NHSL1: variants seen among roughly 807,000 people sequenced by gnomAD.
NHSL1 encodes NHS like 1.
A neutral mutation model predicts 95.0 loss-of-function variants in NHSL1; 48 were observed. The ratio of observed to expected loss-of-function variants is 0.51; its 90% confidence interval spans 0.40 to 0.64. NHSL1 has a LOEUF of 0.64. Among genes scored for constraint, NHSL1 ranks in the 30% least tolerant of loss-of-function variants. The pLI is 0.00. For synonymous variants in NHSL1, 783 were observed against 833.9 expected, an observed-to-expected ratio of 0.94 and a Z score of 1.05; for missense variants, 1,971 against 2,077.7, an observed-to-expected ratio of 0.95 and a Z score of 1.00.
At chr6:138,496,138 G>A in intron 2 of NHSL1, 81 bp downstream of exon 2, 1 of 1,394,736 alleles carries the variant, frequency 7.2e-7, no homozygotes. Context: ...AAGTAGAGCT[G>A]GTTTTATAAA....
chr6:138,559,617 T>C (rs1307745829), intron 1 of NHSL1, among the ~76,000 whole-genome samples: 1 of 152,182 alleles, frequency 6.6e-6, no homozygotes, highest in African/African-American at 2.4e-5. Flanking sequence ...AACAGTGGAC[T>C]ATCTACAGAA....
intron 1 of NHSL1, among the ~76,000 whole-genome samples, chr6:138,555,443 A>G (rs1215445253): frequency 1.3e-5 from 2 of 152,214 alleles, no homozygotes; most frequent in African/African-American, 4.8e-5. Context: ...ATTGCTTTCG[A>G]GGCAGGTGTG....
At chr6:138,621,098 C>G (rs184006029) in intron 1 of NHSL1, among the ~76,000 whole-genome samples, 46 of 152,310 alleles carry the variant, frequency 3.0e-4, no homozygotes, top group African/African-American at 1.0e-3. Flanking sequence ...CTCCTGCCCC[C>G]CTGCCAGCAT....
Position 138,431,709 on chromosome 6 carries a change from C to T in NHSL1, c.2636G>A (p.Gly879Glu). The T allele has an allele frequency of 1.3e-6, 2 of 1,551,768 alleles. No individual in the cohort carries two copies. The highest frequency in any genetic ancestry group is 2.4e-5 in the South Asian group (2 of 84,064). Residue 879 changes from glycine (G) to glutamate (E), a missense_variant, in exon 6 of 8, where the codon GGG (glycine) becomes GAG (glutamate). By Grantham distance (98) the Gly-to-Glu change is moderately conservative (BLOSUM62 -2). Around this residue, in one of 3 missense-constraint regions of NHSL1, gnomAD observed 1,602 missense variants for 1,654.5 expected, o/e 0.97. Transcript: ENST00000343505. The surrounding 1 kb of genome is among the most constrained non-coding windows in gnomAD (Gnocchi z 4.0). ...TTCTGGTACCTTGGGCTTGGGCTTC[C>T]CCTTCCCGTTTGCTGGTGACACTGA... The part of the protein sequence containing the change: ...LKSVSPANGK[G>E]KPKPKVPERK...
At chr6:138,550,601 G>A (rs1583398054), upstream of NHSL1, among the ~76,000 whole-genome samples, 3 of 152,328 alleles carry the variant, frequency 2.0e-5, no homozygotes, top group Admixed American at 6.5e-5. Flanking sequence ...ACAAGAGGGA[G>A]TGGTATCCAC....
chr6:138,567,420 C>A (rs1171291971), intron 1 of NHSL1, among the ~76,000 whole-genome samples: 1 of 152,306 alleles, frequency 6.6e-6, no homozygotes, highest in East Asian at 1.9e-4. Context: ...TGAGCCACCA[C>A]GCCTGGCCCA....
At chr6:138,624,110 G>A (rs1183634594) in intron 1 of NHSL1, among the ~76,000 whole-genome samples, 1 of 152,102 alleles carries the variant, frequency 6.6e-6, no homozygotes, top group Non-Finnish European at 1.5e-5. Context: ...TAATACAAGA[G>A]GTCATCAAAG....
chr6:138,493,090 G>T (rs1780167089), intron 2 of NHSL1, among the ~76,000 whole-genome samples: 2 of 152,144 alleles, frequency 1.3e-5, no homozygotes, highest in African/African-American at 4.8e-5. Flanking sequence ...AGAGGTACGT[G>T]AAGTTCTGTA....
chr6:138,432,073 A>C lies in NHSL1; in HGVS notation c.2272T>G (p.Ser758Ala). 6.4e-7 allele frequency: 1 copy of C among 1,551,668 alleles called. No homozygotes were observed. Residue 758 changes from serine (S) to alanine (A), a missense_variant, in exon 6 of 8, where the codon TCC becomes GCC. Physicochemically the swap from Ser to Ala is moderately conservative, Grantham distance 99. This residue lies in a region of NHSL1 where 1,602 missense variants were observed against 1,654.5 expected (regional missense o/e 0.97). Transcript: ENST00000343505. The surrounding 1 kb of genome is among the most constrained non-coding windows in gnomAD (Gnocchi z 4.4). Reference protein sequence around the residue: ...MTSATTPNVYSLCGATPSQSD... With the variant: ...MTSATTPNVYALCGATPSQSD... ...TGCGATGGCGTGGCCCCGCACAGGG[A>C]GTAGACATTGGGGGTGGTGGCGGAA...
In NHSL1 at chr6:138,422,426, A is replaced by G. The variant is rs1443744220; in HGVS notation, c.*1655T>C. The G allele has an allele frequency of 2.0e-5, 3 of 152,188 alleles. No individual in the cohort carries two copies. The highest frequency in any genetic ancestry group is 4.4e-5 in the Non-Finnish European group (3 of 68,038). 9.4% of individuals were successfully genotyped at this position (152,188 alleles called of 1,614,324 possible). A position where few individuals can be genotyped will look rare whatever the true frequency, so the allele number is the denominator to read the frequency against. On this transcript the variant is annotated 3_prime_UTR_variant, in exon 8 of 8. Coordinates refer to ENST00000343505, the MANE Select transcript of NHSL1 (RefSeq NM_001144060.2). ...CAAAGACATTTCTATATGGGTATCT[A>G]AAGTTTTAGTTTATAAGTCTCATAA...
upstream of NHSL1, among the ~76,000 whole-genome samples, chr6:138,499,893 C>T (rs538143721): frequency 1.3e-5 from 2 of 152,284 alleles, no homozygotes; most frequent in South Asian, 4.1e-4. Flanking sequence ...GCCTCCGATA[C>T]CAAAGGAACT....
chr6:138,605,919 A>G (rs988031364), intron 1 of NHSL1, among the ~76,000 whole-genome samples: 5 of 152,192 alleles, frequency 3.3e-5, no homozygotes, highest in African/African-American at 7.2e-5. Flanking sequence ...GGTTTATGTA[A>G]TATCCTTTGA....
chr6:138,498,300 C>T (rs1780477591), intron 1 of NHSL1, among the ~76,000 whole-genome samples: 1 of 152,208 alleles, frequency 6.6e-6, no homozygotes, highest in Admixed American at 6.5e-5. Flanking sequence ...CCATCAATCG[C>T]ACCATCGGCC....
chr6:138,468,636 C>T (rs1194792201), intron 3 of NHSL1, among the ~76,000 whole-genome samples: 1 of 152,210 alleles, frequency 6.6e-6, no homozygotes, highest in Non-Finnish European at 1.5e-5. Flanking sequence ...GCCCCACCCA[C>T]CCCAGTCTGG....
At chr6:138,514,968 C>A (rs1781398425) in intron 1 of NHSL1, among the ~76,000 whole-genome samples, 1 of 151,750 alleles carries the variant, frequency 6.6e-6, no homozygotes, top group South Asian at 2.1e-4. Context: ...ATTCACCCTT[C>A]TTCTGAGGAC....
At chr6:138,438,107 A>G (rs993422691) in intron 5 of NHSL1, among the ~76,000 whole-genome samples, 1 of 152,200 alleles carries the variant, frequency 6.6e-6, no homozygotes, top group Admixed American at 6.5e-5. Context: ...AAATGTTAAT[A>G]AACAGTATTA....
chr6:138,664,189 T>G (rs1425227163), intron 1 of NHSL1, among the ~76,000 whole-genome samples: 1 of 152,234 alleles, frequency 6.6e-6, no homozygotes, highest in African/African-American at 2.4e-5. Flanking sequence ...TGCCAACCTC[T>G]CCTGGCTTTT....
At chr6:138,508,286 C>A (rs757419116) in intron 1 of NHSL1, among the ~76,000 whole-genome samples, 1 of 152,192 alleles carries the variant, frequency 6.6e-6, no homozygotes, top group African/African-American at 2.4e-5. Context: ...CGCTCTAGTG[C>A]ATGGCTGGGA....
At chr6:138,609,472 C>T (rs1165684583) in intron 1 of NHSL1, among the ~76,000 whole-genome samples, 4 of 152,032 alleles carry the variant, frequency 2.6e-5, no homozygotes, top group Admixed American at 6.5e-5. Context: ...GCTATCCGGC[C>T]GGGCGCGGTG....
Sources: allele counts gnomAD v4.1 joint callset (sites outside exome capture counted in the v4.1 genomes callset), GRCh38; gene constraint gnomAD v4.1.1; regional missense constraint gnomAD v4.1.1; non-coding constraint Gnocchi (gnomAD v3.1); transcripts MANE v1.5; gene names NCBI Gene and HGNC (gene_info 2026-07-23, HGNC 2026-07-21).